SDR16C5: variants seen among roughly 807,000 people sequenced by gnomAD.
SDR16C5 encodes short chain dehydrogenase/reductase family 16C member 5.
SDR16C5 carries 20 observed loss-of-function variants against 27.7 expected under a neutral mutation model. That is an observed-to-expected ratio of 0.72 (90% CI 0.51 to 1.05). SDR16C5 has a LOEUF of 1.05. Ranked by LOEUF, SDR16C5 falls within the 50% of genes least tolerant of loss-of-function variation. The pLI, the probability that SDR16C5 is intolerant of heterozygous loss-of-function variation, is 0.00. For missense variants in SDR16C5, 374 were observed against 366.3 expected, an observed-to-expected ratio of 1.02 and a Z score of -0.17; for synonymous variants, 139 against 132.3, an observed-to-expected ratio of 1.05 and a Z score of -0.35.
rs201896598 is a variant in SDR16C5, at chr8:56,312,274, G to A, written c.348C>T (p.Val116=). ...YRVADQVKKE[V]GDVSILINNA... is the part of the protein sequence containing the mutation. Reference sequence around the variant, plus strand: ...TGTTGATTAGGATGGAAACATCGCCGACTTCTTTTTTAACCTGAATTGAAT... The same window carrying A: ...TGTTGATTAGGATGGAAACATCGCCAACTTCTTTTTTAACCTGAATTGAAT... The change falls in exon 3 of 7, where the codon GTC becomes GTT. Residue 116 remains valine, a synonymous_variant. Coordinates refer to ENST00000303749, the MANE Select transcript of SDR16C5 (RefSeq NM_138969.4). The A allele has an allele frequency of 5.6e-5, 90 of 1,613,704 alleles. No homozygotes were observed. Among genetic ancestry groups the A allele is most frequent in the Middle Eastern group, 4.9e-4 (3 of 6,062 alleles).
At chr8:56,319,833 A>C (rs1238372377) in intron 1 of SDR16C5, among the ~76,000 whole-genome samples, 3 of 152,130 alleles carry the variant, frequency 2.0e-5, no homozygotes, top group African/African-American at 7.2e-5. Context: ...GGTCTGCGTT[A>C]GCCGTAGCCA....
At position 56,312,764 on chromosome 8, in the gene SDR16C5, C is replaced by A. The variant is rs531589928; in HGVS notation, c.334-476G>T. On this transcript the variant is annotated intron_variant, in intron 2 of 6. Transcript: ENST00000303749. Reference sequence around the variant, plus strand: ...TATTTCCATTGCTGAGTCTACAATGCACCACACACCAAGTTTTTTTTTTTT... The same window carrying A: ...TATTTCCATTGCTGAGTCTACAATGAACCACACACCAAGTTTTTTTTTTTT... Among the ~76,000 whole-genome samples, 10 of 117,678 alleles carry A rather than the reference C, an allele frequency of 8.5e-5. No individual in the cohort carries two copies. The Admixed American group carries it at 9.0e-4, about 11-fold the overall frequency. 77.2% of individuals were successfully genotyped at this position (117,678 alleles called of 152,430 possible).
intron 1 of SDR16C5, among the ~76,000 whole-genome samples, 175 bp downstream of exon 1, chr8:56,319,884 C>A (rs1480685718): frequency 1.3e-5 from 2 of 152,164 alleles, no homozygotes; most frequent in African/African-American, 4.8e-5. Context: ...GTGCGCTACC[C>A]GGTGCAGCTG....
intron 4 of SDR16C5, among the ~76,000 whole-genome samples, chr8:56,307,188 A>G (rs947122292): frequency 1.3e-5 from 2 of 152,260 alleles, no homozygotes; most frequent in African/African-American, 4.8e-5. Context: ...GACATTCAAA[A>G]GAAGAAATAA....
chr8:56,312,940 C>A (rs1475746944), intron 2 of SDR16C5, among the ~76,000 whole-genome samples: 1 of 151,970 alleles, frequency 6.6e-6, no homozygotes, highest in Non-Finnish European at 1.5e-5. Context: ...CCACACCCGG[C>A]TAATTTTTTG....
At chr8:56,303,855 C>G in intron 6 of SDR16C5, 1 of 657,484 alleles carries the variant, frequency 1.5e-6, no homozygotes, top group Non-Finnish European at 2.8e-6. Flanking sequence ...TGAATGCACA[C>G]CCTGCCCAAT....
chr8:56,316,097 G>C lies in SDR16C5; in HGVS notation c.251C>G (p.Ala84Gly). The change falls in exon 2 of 7, where the codon GCT (alanine) becomes GGT (glycine). Residue 84 changes from alanine (A) to glycine (G), a missense_variant. By Grantham distance (60) the Ala-to-Gly change is moderately conservative (BLOSUM62 0). Coordinates refer to ENST00000303749, the MANE Select transcript of SDR16C5 (RefSeq NM_138969.4). Reference sequence around the variant, plus strand: ...CACTCTTGTGGCTCCAGCTTCCCGAGCCATCTTACATGTTTCCTCATTCCC... The same window carrying C: ...CACTCTTGTGGCTCCAGCTTCCCGACCCATCTTACATGTTTCCTCATTCCC... ...KEGNEETCKM[A>G]REAGATRVHA... The C allele has an allele frequency of 6.2e-7, 1 of 1,614,094 alleles. No individual in the cohort carries two copies. Among genetic ancestry groups the C allele is most frequent in the South Asian group, 1.1e-5 (1 of 91,074 alleles).
intron 2 of SDR16C5, among the ~76,000 whole-genome samples, chr8:56,313,936 C>T (rs996269450): frequency 4.6e-5 from 7 of 152,144 alleles, no homozygotes; most frequent in South Asian, 2.1e-4. Flanking sequence ...TGGCCGGGCG[C>T]GGTAGCTCAC....
At chr8:56,312,627 C>A (rs1815076287) in intron 2 of SDR16C5, among the ~76,000 whole-genome samples, 3 of 151,790 alleles carry the variant, frequency 2.0e-5, no homozygotes, top group African/African-American at 7.3e-5. Context: ...ATTGCTTAAA[C>A]CAGGGAGGTG....
chr8:56,319,141 A>AG (rs398007917), intron 1 of SDR16C5, among the ~76,000 whole-genome samples: 1 of 150,504 alleles, frequency 6.6e-6, no homozygotes, highest in Non-Finnish European at 1.5e-5. Flanking sequence ...AAAAAAAAAA[A>AG]GGCATTGCCC....
At chr8:56,316,849 T>C (rs1172188926) in intron 1 of SDR16C5, among the ~76,000 whole-genome samples, 2 of 152,250 alleles carry the variant, frequency 1.3e-5, no homozygotes, top group African/African-American at 4.8e-5. Context: ...TAATTTTGCA[T>C]TACTATTTAA....
Position 56,305,687 on chromosome 8 carries a change from T to C in SDR16C5, c.746A>G (p.Tyr249Cys), listed in dbSNP as rs756085050. The stretch of plus-strand genomic sequence containing the variant: ...AGCTTCTACTATTTTTTCAACTGCA[T>C]ATTTTGGTTCCAGAATTGGCAACAG... The part of the protein sequence containing the change: ...PSLLPILEPK[Y>C]AVEKIVEAIL... Residue 249 changes from tyrosine to cysteine, a missense_variant, in exon 6 of 7, where the codon TAT becomes TGT. Tyr to Cys is a radical substitution (Grantham distance 194). Transcript: ENST00000303749. 8.1e-6 allele frequency: 13 copies of C among 1,602,652 alleles called. No individual in the cohort carries two copies. In the South Asian group the frequency reaches 1.3e-4, roughly 16 times the overall value.
chr8:56,315,867 A>G, intron 2 of SDR16C5, 148 bp downstream of exon 2: 1 of 635,020 alleles, frequency 1.6e-6, no homozygotes, highest in South Asian at 2.0e-5. Context: ...TTTGCATACA[A>G]TAAGAATTCA....
rs960179662 is a variant in SDR16C5, at chr8:56,300,708, T to C, written c.*772A>G. ...TGCACGAATATATTTTTTGGATCAA[T>C]AGATAGCAAAAAACCTAACTTGGTA... is the stretch of plus-strand genomic sequence containing the variant. On this transcript the variant is annotated 3_prime_UTR_variant, in exon 7 of 7. Transcript: ENST00000303749. 3.3e-5 allele frequency: 5 copies of C among 152,342 alleles called. No homozygotes were observed. Among genetic ancestry groups the C allele is most frequent in the South Asian group, 2.1e-4 (1 of 4,834 alleles). 9.4% of individuals were successfully genotyped at this position (152,342 alleles called of 1,614,324 possible).
intron 6 of SDR16C5, chr8:56,304,057 T>C: frequency 4.3e-6 from 3 of 702,994 alleles, no homozygotes; most frequent in Non-Finnish European, 7.8e-6. Flanking sequence ...CAGTCAGGCA[T>C]TCTGACCCAT....
chr8:56,313,508 G>A (rs1189094978), intron 2 of SDR16C5, among the ~76,000 whole-genome samples: 1 of 152,166 alleles, frequency 6.6e-6, no homozygotes, highest in African/African-American at 2.4e-5. Context: ...CTACCCACCT[G>A]TACAGTGTGT....
chr8:56,315,457 C>T (rs1486954380), intron 2 of SDR16C5, among the ~76,000 whole-genome samples: 5 of 152,092 alleles, frequency 3.3e-5, no homozygotes, highest in African/African-American at 9.7e-5. Flanking sequence ...CACATTCGAA[C>T]GTAGGGTACT....
At position 56,306,758 on chromosome 8, in the gene SDR16C5, CA is replaced by C; in HGVS notation, c.627del (p.Phe209LeufsTer18). The part of the protein sequence containing the change: ...GFAESVFVET[F>X]VQKQKGIKTT... The stretch of plus-strand genomic sequence containing the variant: ...GTTTTGATCCCCTTTTGTTTTTGGA[CA>C]AATGTTTCTACAAATACAGATTCAG... On this transcript the variant is annotated frameshift_variant, in exon 5 of 7. Transcript: ENST00000303749. LOFTEE classifies it high-confidence loss of function. 1 of 1,613,280 alleles carries C rather than the reference CA, an allele frequency of 6.2e-7. No homozygotes were observed.
At chr8:56,307,120 G>T (rs1814906896) in intron 4 of SDR16C5, among the ~76,000 whole-genome samples, 1 of 152,210 alleles carries the variant, frequency 6.6e-6, no homozygotes, top group Non-Finnish European at 1.5e-5. Flanking sequence ...GTGAGCCCCT[G>T]TGCTAGTTCT....
Sources: allele counts gnomAD v4.1 joint callset (sites outside exome capture counted in the v4.1 genomes callset), GRCh38; gene constraint gnomAD v4.1.1; transcripts MANE v1.5; gene names NCBI Gene and HGNC (gene_info 2026-07-23, HGNC 2026-07-21).